GABRB3: variants seen among roughly 807,000 people sequenced by gnomAD.
The protein encoded by GABRB3 is gamma-aminobutyric acid receptor subunit beta-3.
GABRB3 carries 14 observed loss-of-function variants against 52.1 expected under a neutral mutation model. That is an observed-to-expected ratio of 0.27 (90% CI 0.18 to 0.42). The LOEUF (loss-of-function observed/expected upper bound fraction) is 0.42, where lower values mean the gene tolerates loss of function less well. GABRB3 is among the 10% of genes least tolerant of loss of function. The pLI is 1.00. For synonymous variants in GABRB3, 260 were observed against 232.3 expected (o/e 1.12, Z -1.08); for missense variants, 307 against 609.1 (o/e 0.50, Z 5.22).
chr15:26,724,714 G>C (rs956057313), intron 3 of GABRB3, among the ~76,000 whole-genome samples: 1 of 152,158 alleles, frequency 6.6e-6, no homozygotes, highest in African/African-American at 2.4e-5. Context: ...AGAGGCATGA[G>C]ACTAACTGCA....
At chr15:26,610,020 G>C (rs113595365) in intron 4 of GABRB3, among the ~76,000 whole-genome samples, 7,008 of 152,208 alleles carry the variant, frequency 0.046, 251 homozygotes, top group Non-Finnish European at 0.073. Flanking sequence ...ACGGTATCAA[G>C]GAACTGAAAC....
chr15:26,662,376 G>A (rs1350665245), intron 3 of GABRB3, among the ~76,000 whole-genome samples: 1 of 152,156 alleles, frequency 6.6e-6, no homozygotes, highest in African/African-American at 2.4e-5. Context: ...GGTAAGCTCA[G>A]CCATCCTCCC....
intron 3 of GABRB3, among the ~76,000 whole-genome samples, chr15:26,770,840 TAAAAC>T (rs1891124946): frequency 1.3e-5 from 2 of 152,194 alleles, no homozygotes. Flanking sequence ...CTTATAAACA[TAAAAC>T]AAACATTTTG....
At chr15:26,574,662 T>G (rs757829001) in intron 6 of GABRB3, among the ~76,000 whole-genome samples, 2 of 152,084 alleles carry the variant, frequency 1.3e-5, no homozygotes, top group Non-Finnish European at 2.9e-5. Context: ...CACAAATGAT[T>G]CCACTGATAT....
Position 26,554,186 on chromosome 15 carries a change from A to T in GABRB3, c.1081-6052T>A, listed in dbSNP as rs1333238073. 2.8e-3 allele frequency among the ~76,000 whole-genome samples: 89 copies of T among 31,654 alleles called. 4 individuals are homozygous for T. The highest frequency in any genetic ancestry group is 4.1e-3 in the Non-Finnish European group (68 of 16,706). The allele number at this position is 31,654 out of a possible 152,430, so 20.8% of individuals were successfully genotyped here. A position where few individuals can be genotyped will look rare whatever the true frequency, so the allele number is the denominator to read the frequency against. On this transcript the variant is annotated intron_variant, in intron 8 of 8. Coordinates refer to ENST00000311550, the MANE Select transcript of GABRB3 (RefSeq NM_000814.6). ...GTATATATATATAAAGTATATATAT[A>T]TATACTATATATATATATATATAGT... is the stretch of plus-strand genomic sequence containing the variant.
intron 3 of GABRB3, among the ~76,000 whole-genome samples, chr15:26,631,802 T>C (rs1185291622): frequency 6.6e-6 from 1 of 152,222 alleles, no homozygotes; most frequent in African/African-American, 2.4e-5. Context: ...CGATGGTATC[T>C]AGCTTTCCAT....
At chr15:26,568,500 C>CTTT (rs11419760) in intron 6 of GABRB3, among the ~76,000 whole-genome samples, 21 of 137,684 alleles carry the variant, frequency 1.5e-4, no homozygotes, top group Non-Finnish European at 2.6e-4. Context: ...GTTTTCCTTT[C>CTTT]TTTTTTTTTT....
intron 3 of GABRB3, among the ~76,000 whole-genome samples, chr15:26,730,261 C>T (rs1464702199): frequency 2.0e-5 from 3 of 152,008 alleles, no homozygotes; most frequent in African/African-American, 7.2e-5. Context: ...ATAAGACTTA[C>T]AGGATGAATA....
chr15:26,720,924 C>T (rs1057027242), intron 3 of GABRB3, among the ~76,000 whole-genome samples: 1 of 152,166 alleles, frequency 6.6e-6, no homozygotes, highest in Non-Finnish European at 1.5e-5. Context: ...TTAATATTAT[C>T]ATTGGCCCAA....
chr15:26,596,342 T>G (rs985928294), intron 4 of GABRB3, among the ~76,000 whole-genome samples: 15 of 152,056 alleles, frequency 9.9e-5, no homozygotes, highest in African/African-American at 3.4e-4. Flanking sequence ...GAAAAAGCAA[T>G]GTACATGTGC....
At chr15:26,639,515 C>CA (rs1163970629) in intron 3 of GABRB3, among the ~76,000 whole-genome samples, 1 of 152,044 alleles carries the variant, frequency 6.6e-6, no homozygotes, top group Non-Finnish European at 1.5e-5. Context: ...AGGATATATG[C>CA]AAACACTACA....
At chr15:26,767,945 T>C (rs1891041898) in intron 3 of GABRB3, among the ~76,000 whole-genome samples, 1 of 152,186 alleles carries the variant, frequency 6.6e-6, no homozygotes, top group South Asian at 2.1e-4. Flanking sequence ...CATTTAGTAG[T>C]GATACAGCTA....
Position 26,547,489 on chromosome 15 carries a change from ACTTT to A in GABRB3, c.*300_*303del, listed in dbSNP as rs1379524943. On this transcript the variant is annotated 3_prime_UTR_variant, in exon 9 of 9. Coordinates refer to ENST00000311550, the MANE Select transcript of GABRB3 (RefSeq NM_000814.6). ...TCAATTAAAAAAGAAAAAAACTATG[ACTTT>A]CTTTAATATGCATCCTGTGGTAAAT... 23 of 489,472 alleles carry A rather than the reference ACTTT, an allele frequency of 4.7e-5. No individual in the cohort carries two copies. The highest frequency in any genetic ancestry group is 5.2e-4 in the Middle Eastern group (1 of 1,922). 30.3% of individuals were successfully genotyped at this position (489,472 alleles called of 1,614,324 possible). A position where few individuals can be genotyped will look rare whatever the true frequency, so the allele number is the denominator to read the frequency against.
intron 3 of GABRB3, among the ~76,000 whole-genome samples, chr15:26,651,123 C>A (rs1318526668): frequency 6.6e-6 from 1 of 152,220 alleles, no homozygotes; most frequent in Admixed American, 6.5e-5. Context: ...GGCACTGCCA[C>A]AAGGGGCCAA....
rs1188744628 is a variant in GABRB3, at chr15:26,545,528, T to C, written c.*2265A>G. ...ATAAATTATACACTTAAATAGACCA[T>C]TGACTGTTTTTGTCCACATCCATTT... On this transcript the variant is annotated 3_prime_UTR_variant, in exon 9 of 9. Coordinates refer to ENST00000311550, the MANE Select transcript of GABRB3 (RefSeq NM_000814.6). 3 of 152,766 alleles carry C rather than the reference T, an allele frequency of 2.0e-5. No homozygotes were observed. The highest frequency in any genetic ancestry group is 6.5e-5 in the Admixed American group (1 of 15,306). The allele number at this position is 152,766 out of a possible 1,614,324, so 9.5% of individuals were successfully genotyped here.
At chr15:26,617,136 G>C (rs1035401208) in intron 4 of GABRB3, among the ~76,000 whole-genome samples, 1 of 152,044 alleles carries the variant, frequency 6.6e-6, no homozygotes. Context: ...ATTCACAGCC[G>C]AATTCTACCA....
chr15:26,604,895 A>T (rs1269395143), intron 4 of GABRB3, among the ~76,000 whole-genome samples: 3 of 152,202 alleles, frequency 2.0e-5, no homozygotes, highest in African/African-American at 7.2e-5. Context: ...AAGCCAGGTA[A>T]ACAAAGCAAA....
chr15:26,717,432 G>A (rs1889525797), intron 3 of GABRB3, among the ~76,000 whole-genome samples: 1 of 152,220 alleles, frequency 6.6e-6, no homozygotes. Flanking sequence ...ACTGGATAAT[G>A]TGGACCATGT....
At chr15:26,670,213 C>A (rs1887847658) in intron 3 of GABRB3, among the ~76,000 whole-genome samples, 1 of 152,098 alleles carries the variant, frequency 6.6e-6, no homozygotes, top group African/African-American at 2.4e-5. Context: ...GGGCGGCGAG[C>A]GGGAGGGAGG....
Sources: gnomAD v4.1 joint callset for allele counts (sites outside exome capture counted in the v4.1 genomes callset) on GRCh38, gnomAD v4.1.1 for gene constraint, MANE v1.5 for transcripts, NCBI Gene and HGNC (gene_info 2026-07-23, HGNC 2026-07-21) for gene names.